The following SGCZ variants were observed in gnomAD, a reference collection of about 807,000 sequenced individuals.
The protein encoded by SGCZ is zeta-sarcoglycan.
A neutral mutation model predicts 41.3 loss-of-function variants in SGCZ; 40 were observed. The ratio of observed to expected loss-of-function variants is 0.97; its 90% CI spans 0.75 to 1.26. The LOEUF is 1.26. SGCZ is among the 50% of genes most tolerant of loss of function. SGCZ has a pLI of 0.00. For synonymous variants in SGCZ, 206 were observed against 137.5 expected (o/e 1.50, Z -3.49); for missense variants, 552 against 369.8 (o/e 1.49, Z -4.04).
chr8:14,566,134 C>A (rs536867557), intron 1 of SGCZ, among the ~76,000 whole-genome samples: 13 of 152,104 alleles, frequency 8.5e-5, no homozygotes, highest in Non-Finnish European at 1.9e-4. Context: ...CAGAGACCAA[C>A]AAAGTCTAAC....
intron 4 of SGCZ, among the ~76,000 whole-genome samples, chr8:14,225,816 G>C (rs1394489982): frequency 6.6e-6 from 1 of 152,018 alleles, no homozygotes; most frequent in Non-Finnish European, 1.5e-5. Flanking sequence ...AATGAAATGA[G>C]ACTGGTCTAA....
chr8:14,167,334 AC>A (rs1804240967), intron 4 of SGCZ, among the ~76,000 whole-genome samples: 2 of 152,138 alleles, frequency 1.3e-5, no homozygotes. Context: ...ATCTTAATCC[AC>A]CAATGATGCT....
At chr8:15,138,316 G>C (rs1191283110) in intron 1 of SGCZ, among the ~76,000 whole-genome samples, 2 of 152,074 alleles carry the variant, frequency 1.3e-5, no homozygotes, top group Non-Finnish European at 2.9e-5. Flanking sequence ...TCTCAGATAA[G>C]ACTTTGGAGT....
chr8:14,130,808 A>G (rs956085886), intron 5 of SGCZ, among the ~76,000 whole-genome samples: 2 of 152,212 alleles, frequency 1.3e-5, no homozygotes, highest in African/African-American at 2.4e-5. Flanking sequence ...ATGTTTTTTC[A>G]TAGAGGCTCT....
intron 1 of SGCZ, among the ~76,000 whole-genome samples, chr8:14,851,592 T>C (rs919585118): frequency 6.6e-6 from 1 of 152,112 alleles, no homozygotes; most frequent in Non-Finnish European, 1.5e-5. Flanking sequence ...TATCATGCTG[T>C]TTACTGTCCT....
chr8:15,028,794 C>A (rs1000353727), intron 1 of SGCZ, among the ~76,000 whole-genome samples: 1 of 152,058 alleles, frequency 6.6e-6, no homozygotes, highest in Non-Finnish European at 1.5e-5. Flanking sequence ...TCAAAGACTA[C>A]ATACTTCTTC....
intron 4 of SGCZ, among the ~76,000 whole-genome samples, chr8:14,203,046 G>T (rs1221364522): frequency 1.3e-5 from 2 of 152,108 alleles, no homozygotes; most frequent in Non-Finnish European, 2.9e-5. Context: ...TTTGGCTGCT[G>T]CCATCCATGT....
intron 5 of SGCZ, among the ~76,000 whole-genome samples, chr8:14,145,711 T>C (rs751183797): frequency 8.5e-5 from 13 of 152,150 alleles, no homozygotes; most frequent in Admixed American, 2.0e-4. Flanking sequence ...ATAACACAGA[T>C]AAGGAATTCA....
At chr8:14,538,000 C>T (rs1380319634) in intron 2 of SGCZ, among the ~76,000 whole-genome samples, 2 of 151,894 alleles carry the variant, frequency 1.3e-5, no homozygotes, top group East Asian at 1.9e-4. Context: ...TTGCTGTACT[C>T]TCCATTCTAA....
intron 1 of SGCZ, among the ~76,000 whole-genome samples, chr8:15,000,742 G>C (rs1488927741): frequency 6.6e-6 from 1 of 152,166 alleles, no homozygotes; most frequent in Non-Finnish European, 1.5e-5. Context: ...GAAACAATCT[G>C]TGAGCCCTGT....
In SGCZ at chr8:14,978,203, C is replaced by T. The variant is rs1302145038; in HGVS notation, c.39+259382G>A. ...TGCCTGCTGGCCGGGTGTGGTGGCT[C>T]ACACCTGTAATCCCAGCACTTTAGG... On this transcript the variant is annotated intron_variant, in intron 1 of 7. Transcript: ENST00000382080. Among the ~76,000 whole-genome samples, 6 of 149,478 alleles carry T rather than the reference C, an allele frequency of 4.0e-5. No individual in the cohort carries two copies. The South Asian group carries it at 6.5e-4, about 16-fold the overall frequency.
chr8:14,094,345 G>A (rs183162042), intron 7 of SGCZ, among the ~76,000 whole-genome samples: 31 of 152,036 alleles, frequency 2.0e-4, no homozygotes, highest in African/African-American at 7.5e-4. Context: ...CTGTGTCCAT[G>A]TATTCTCATT....
Position 15,201,588 on chromosome 8 carries a change from T to A in SGCZ, c.39+35997A>T, listed in dbSNP as rs750022007. On this transcript the variant is annotated intron_variant, in intron 1 of 7. Coordinates refer to ENST00000382080, the MANE Select transcript of SGCZ (RefSeq NM_139167.4). ...GAACCATACAAATCACCCAAGTTCA[T>A]GCATTGAGTCTGCATCTAGGCTTTC... Among the ~76,000 whole-genome samples, 3 of 152,190 alleles carry A rather than the reference T, an allele frequency of 2.0e-5. No individual in the cohort carries two copies. The East Asian group carries it at 5.8e-4, about 29-fold the overall frequency.
At chr8:15,117,466 T>A (rs111504499) in intron 1 of SGCZ, among the ~76,000 whole-genome samples, 3 of 152,286 alleles carry the variant, frequency 2.0e-5, no homozygotes, top group Admixed American at 6.5e-5. Flanking sequence ...TACAAATCCA[T>A]TGTGGCATGA....
At chr8:14,580,207 A>G (rs1230460740) in intron 1 of SGCZ, among the ~76,000 whole-genome samples, 1 of 152,200 alleles carries the variant, frequency 6.6e-6, no homozygotes, top group Non-Finnish European at 1.5e-5. Context: ...TCAACAGTAG[A>G]ACAGGAATAC....
At chr8:15,090,973 T>C (rs948268526) in intron 1 of SGCZ, among the ~76,000 whole-genome samples, 3 of 152,226 alleles carry the variant, frequency 2.0e-5, no homozygotes, top group Non-Finnish European at 2.9e-5. Context: ...GACTGATTAC[T>C]TTGATTCTAC....
rs73665362 is a variant in SGCZ, at chr8:15,006,710, G to C, written c.39+230875C>G. On this transcript the variant is annotated intron_variant, in intron 1 of 7. Transcript: ENST00000382080. ...GTGGGATCTGTCAAAAGATTAATTA[G>C]ACTCTATAAAAAAATCTTGACGAGA... Among the ~76,000 whole-genome samples, 775 of 152,252 alleles carry C rather than the reference G, an allele frequency of 5.1e-3. 8 individuals carry two copies. Among genetic ancestry groups the C allele is most frequent in the African/African-American group, 0.017 (700 of 41,542 alleles).
chr8:15,069,590 C>T (rs1805277174), intron 1 of SGCZ, among the ~76,000 whole-genome samples: 1 of 152,182 alleles, frequency 6.6e-6, no homozygotes, highest in Non-Finnish European at 1.5e-5. Context: ...GAATTCCCCA[C>T]TTTTAATTCA....
chr8:14,843,320 A>G (rs1052907080), intron 1 of SGCZ, among the ~76,000 whole-genome samples: 7 of 152,186 alleles, frequency 4.6e-5, no homozygotes, highest in Non-Finnish European at 8.8e-5. Context: ...AACACGACCT[A>G]TGAGTACATT....
Sources: allele counts gnomAD v4.1 joint callset (sites outside exome capture counted in the v4.1 genomes callset), GRCh38; gene constraint gnomAD v4.1.1; transcripts MANE v1.5; gene names NCBI Gene and HGNC (gene_info 2026-07-23, HGNC 2026-07-21).